The following KCNIP4 variants were observed in gnomAD, a reference collection of about 807,000 sequenced individuals.
The protein encoded by KCNIP4 is Kv channel-interacting protein 4.
KCNIP4 carries 12 observed loss-of-function variants against 34.0 expected under a neutral mutation model. The observed-to-expected ratio is 0.35, with a 90% CI of 0.23 to 0.57. The LOEUF is 0.57. Among genes scored for constraint, KCNIP4 ranks in the 20% least tolerant of loss-of-function variants. The pLI is 0.83. For missense variants in KCNIP4, 238 were observed against 311.7 expected (o/e 0.76, Z 1.78); for synonymous variants, 124 against 102.2 (o/e 1.21, Z -1.29).
At chr4:21,078,336 A>C (rs1053013290) in intron 1 of KCNIP4, among the ~76,000 whole-genome samples, 3 of 152,084 alleles carry the variant, frequency 2.0e-5, no homozygotes, top group African/African-American at 7.2e-5. Context: ...TGGTGTAAAC[A>C]GTGGAAATTT....
At chr4:21,854,065 C>G (rs563270186) in intron 1 of KCNIP4, among the ~76,000 whole-genome samples, 4 of 152,336 alleles carry the variant, frequency 2.6e-5, no homozygotes, top group Non-Finnish European at 4.4e-5. Context: ...AGTAACTGTT[C>G]ATAGCCCCAA....
intron 1 of KCNIP4, among the ~76,000 whole-genome samples, chr4:20,900,319 C>T (rs779132008): frequency 7.2e-5 from 11 of 152,070 alleles, no homozygotes; most frequent in African/African-American, 2.2e-4. Flanking sequence ...AAATGAAACC[C>T]GGGGATGATC....
intron 1 of KCNIP4, among the ~76,000 whole-genome samples, chr4:21,018,137 C>T (rs1040468689): frequency 6.6e-6 from 1 of 152,148 alleles, no homozygotes; most frequent in Admixed American, 6.5e-5. Context: ...CAGGGTCCTG[C>T]ATAGACAACT....
chr4:21,570,316 G>T (rs1452196689), intron 1 of KCNIP4, among the ~76,000 whole-genome samples: 1 of 152,160 alleles, frequency 6.6e-6, no homozygotes, highest in African/African-American at 2.4e-5. Context: ...AGGGTGAAAA[G>T]GAGGTATTTC....
intron 3 of KCNIP4, among the ~76,000 whole-genome samples, chr4:20,763,040 C>T (rs1400942323): frequency 2.0e-5 from 3 of 152,102 alleles, no homozygotes; most frequent in African/African-American, 7.2e-5. Context: ...ATCACGAGAA[C>T]AGCATGGGGG....
At chr4:21,697,447 C>A (rs369158208) in intron 1 of KCNIP4, 38 of 1,551,892 alleles carry the variant, frequency 2.4e-5, no homozygotes, top group Non-Finnish European at 3.1e-5. Flanking sequence ...TCTTAAGCAA[C>A]AAGGTATTCC....
At chr4:21,006,394 G>A (rs1214146783) in intron 1 of KCNIP4, among the ~76,000 whole-genome samples, 1 of 152,068 alleles carries the variant, frequency 6.6e-6, no homozygotes, top group Non-Finnish European at 1.5e-5. Flanking sequence ...TGTAAAATTG[G>A]GCAACAGCAC....
chr4:21,281,342 C>T (rs1264272196), intron 1 of KCNIP4, among the ~76,000 whole-genome samples: 2 of 152,090 alleles, frequency 1.3e-5, no homozygotes, highest in East Asian at 3.9e-4. Flanking sequence ...CCCACCTCAG[C>T]CTCCCAGAGT....
At chr4:20,903,347 T>C (rs753124699) in intron 1 of KCNIP4, among the ~76,000 whole-genome samples, 3 of 152,174 alleles carry the variant, frequency 2.0e-5, no homozygotes, top group Non-Finnish European at 4.4e-5. Context: ...ACTTTGGTCA[T>C]ATATTACTGC....
intron 1 of KCNIP4, among the ~76,000 whole-genome samples, chr4:21,501,389 C>G (rs1733328183): frequency 6.6e-6 from 1 of 151,916 alleles, no homozygotes; most frequent in Admixed American, 6.6e-5. Context: ...GGACACAGTA[C>G]TACCCTCTTA....
intron 2 of KCNIP4, among the ~76,000 whole-genome samples, chr4:20,860,179 G>A (rs1270423394): frequency 1.3e-5 from 2 of 148,716 alleles, no homozygotes; most frequent in South Asian, 4.3e-4. Context: ...CGCTCTTGTT[G>A]CCCAGGTTGG....
chr4:21,509,325 T>C (rs1734110459), intron 1 of KCNIP4, among the ~76,000 whole-genome samples: 1 of 152,234 alleles, frequency 6.6e-6, no homozygotes, highest in Non-Finnish European at 1.5e-5. Context: ...GGTATGAAAA[T>C]TGAACCTTAG....
rs563306487 is a variant in KCNIP4 at position 21,124,065 on chromosome 4, A to C, written c.62-241356T>G. Among the ~76,000 whole-genome samples the C allele has an allele frequency of 6.6e-3, 996 of 152,058 alleles. 11 individuals carry two copies. The highest frequency in any genetic ancestry group is 8.8e-3 in the Non-Finnish European group (598 of 67,988). On this transcript the variant is annotated intron_variant, in intron 1 of 8. Transcript: ENST00000382152. ...CAACAAAAAAAAAACAACAAAAAAA[A>C]CCTATATTTTCTTTAAAAATCATGA...
chr4:21,286,672 T>A (rs1191886222), intron 1 of KCNIP4, among the ~76,000 whole-genome samples: 1 of 152,242 alleles, frequency 6.6e-6, no homozygotes, highest in African/African-American at 2.4e-5. Flanking sequence ...TTATGACATA[T>A]GCTTGTGCTT....
intron 1 of KCNIP4, among the ~76,000 whole-genome samples, chr4:20,997,968 C>T (rs1560633052): frequency 3.9e-5 from 6 of 152,098 alleles, no homozygotes. Flanking sequence ...GAGAAACCAT[C>T]AGGTAATCCA....
At chr4:21,241,072 A>C (rs899486256) in intron 1 of KCNIP4, among the ~76,000 whole-genome samples, 2 of 152,168 alleles carry the variant, frequency 1.3e-5, no homozygotes, top group African/African-American at 4.8e-5. Context: ...CTACAGAGTC[A>C]CTACATGTTT....
intron 1 of KCNIP4, among the ~76,000 whole-genome samples, chr4:21,051,581 T>C (rs991319893): frequency 2.6e-5 from 4 of 152,208 alleles, no homozygotes; most frequent in African/African-American, 7.2e-5. Flanking sequence ...TCTTTTTTTT[T>C]ATTTTACACA....
chr4:21,324,456 T>C (rs1039655655), intron 1 of KCNIP4, among the ~76,000 whole-genome samples: 17 of 152,068 alleles, frequency 1.1e-4, no homozygotes, highest in African/African-American at 3.9e-4. Flanking sequence ...AGTTCCATTC[T>C]TCTGCATATG....
chr4:21,821,167 T>C (rs1274543659), intron 1 of KCNIP4, among the ~76,000 whole-genome samples: 1 of 152,126 alleles, frequency 6.6e-6, no homozygotes, highest in Non-Finnish European at 1.5e-5. Flanking sequence ...ACGCCACTGT[T>C]ACTCAGGTGG....
Sources: gnomAD v4.1 joint callset for allele counts (sites outside exome capture counted in the v4.1 genomes callset) on GRCh38, gnomAD v4.1.1 for gene constraint, MANE v1.5 for transcripts, NCBI Gene and HGNC (gene_info 2026-07-23, HGNC 2026-07-21) for gene names.